The following DMXL2 variants were observed in gnomAD, a reference collection of about 807,000 sequenced individuals.
The protein encoded by DMXL2 is dmX-like protein 2.
In DMXL2, 103 loss-of-function variants were observed where a neutral mutation model predicts 331.1. The ratio of observed to expected loss-of-function variants is 0.31; its 90% confidence interval spans 0.27 to 0.37. The LOEUF (loss-of-function observed/expected upper bound fraction) is 0.37. Among genes scored for constraint, DMXL2 ranks in the 10% least tolerant of loss-of-function variants. The pLI, the probability that DMXL2 is intolerant of heterozygous loss-of-function variation, is 1.00. For synonymous variants in DMXL2, 1,281 were observed against 1,252.1 expected (o/e 1.02, Z -0.49); for missense variants, 3,171 against 3,642.9 (o/e 0.87, Z 3.33).
In DMXL2 at chr15:51,449,181, T is replaced by A; in HGVS notation, c.8980A>T (p.Thr2994Ser). The A allele has an allele frequency of 6.2e-7, 1 of 1,614,048 alleles. No homozygotes were observed. Among genetic ancestry groups the A allele is most frequent in the Non-Finnish European group, 8.5e-7 (1 of 1,179,918 alleles). Residue 2994 changes from threonine to serine, a missense_variant, in exon 44 of 44, where the codon ACA (threonine) becomes TCA (serine). Transcript: ENST00000560891. The stretch of plus-strand genomic sequence containing the variant: ...AATGAATGAATTAGGCCATGGCCTG[T>A]CAATCTCCAAACCTAGTGCAAAACA... ...AEGNIKVWRLTGHGLIHSFKS... is the reference protein window; with the variant it reads ...AEGNIKVWRLSGHGLIHSFKS...
intron 20 of DMXL2, among the ~76,000 whole-genome samples, chr15:51,490,190 C>T (rs555275463): frequency 1.3e-5 from 2 of 152,294 alleles, no homozygotes; most frequent in South Asian, 4.1e-4. Flanking sequence ...GGCAGCCTTA[C>T]ACGTAACAGT....
At position 51,622,534 on chromosome 15, in the gene DMXL2, A is replaced by G; in HGVS notation, c.12T>C (p.His4=). 6.4e-7 allele frequency: 1 copy of G among 1,557,058 alleles called. No homozygotes were observed. Among genetic ancestry groups the G allele is most frequent in the Non-Finnish European group, 8.7e-7 (1 of 1,149,882 alleles). The change falls in exon 1 of 44, where the codon CAT becomes CAC. Residue 4 remains histidine, a synonymous_variant. Coordinates refer to ENST00000560891, the MANE Select transcript of DMXL2 (RefSeq NM_001378457.1). ...GGTTGACAGCTCCGGTGAGGACCTG[A>G]TGCAGATGCATCTCCGGAGCCCGGG... The part of the protein sequence containing the change: MHL[H]QVLTGAVNPG...
chr15:51,574,155 C>A (rs897441250), intron 2 of DMXL2, among the ~76,000 whole-genome samples: 1 of 152,118 alleles, frequency 6.6e-6, no homozygotes, highest in Non-Finnish European at 1.5e-5. Flanking sequence ...GGGGAAAGAG[C>A]TGATGAAGAC....
At chr15:51,512,123 T>C (rs746228368) in intron 15 of DMXL2, among the ~76,000 whole-genome samples, 4 of 152,118 alleles carry the variant, frequency 2.6e-5, no homozygotes, top group Non-Finnish European at 5.9e-5. Context: ...CAAACCACCA[T>C]GGCACATGTA....
chr15:51,514,326 G>A (rs1256487269), intron 15 of DMXL2, 116 bp downstream of exon 15: 1 of 631,240 alleles, frequency 1.6e-6, no homozygotes, highest in Non-Finnish European at 2.7e-6. Flanking sequence ...GAACTAACTG[G>A]TGAATCTGTC....
intron 2 of DMXL2, among the ~76,000 whole-genome samples, chr15:51,573,816 C>T (rs558515417): frequency 2.0e-5 from 3 of 151,906 alleles, no homozygotes; most frequent in Admixed American, 2.0e-4. Flanking sequence ...ACGTTCTGCA[C>T]GTGTGCCCCA....
At chr15:51,458,679 T>C in intron 35 of DMXL2, 30 bp downstream of exon 35, 2 of 1,613,748 alleles carry the variant, frequency 1.2e-6, no homozygotes, top group Non-Finnish European at 1.7e-6. Context: ...TAAGGAGAAA[T>C]ACACTGTGTA....
At position 51,463,491 on chromosome 15, in the gene DMXL2, C is replaced by A. The variant is rs763781688; in HGVS notation, c.7814G>T (p.Arg2605Leu). 1 of 1,567,434 alleles carries A rather than the reference C, an allele frequency of 6.4e-7. No homozygotes were observed. Among genetic ancestry groups the A allele is most frequent in the South Asian group, 1.2e-5 (1 of 82,570 alleles). ...TTTGACTGGAAATGCAGAAGAATCC[C>A]GGGACCTATTAAAAAAAATTAACAT... ...LEPENTPFKS[R>L]DSSAFPVKRL... Residue 2605 changes from arginine to leucine, a missense_variant, in exon 33 of 44, where the codon CGG becomes CTG. Arg to Leu is a moderately radical substitution (Grantham distance 102). This residue lies in a region of DMXL2 where 766 missense variants were observed against 940.5 expected (regional missense o/e 0.81). Transcript: ENST00000560891.
intron 13 of DMXL2, among the ~76,000 whole-genome samples, chr15:51,530,462 G>T (rs1268864042): frequency 6.6e-6 from 1 of 151,848 alleles, no homozygotes; most frequent in Non-Finnish European, 1.5e-5. Flanking sequence ...TTTTGAAAAA[G>T]TAATCTCAGC....
chr15:51,494,224 G>T (rs1225330215), intron 19 of DMXL2, among the ~76,000 whole-genome samples: 1 of 152,150 alleles, frequency 6.6e-6, no homozygotes, highest in Non-Finnish European at 1.5e-5. Context: ...TTTAGACACA[G>T]AATCTCAGAT....
chr15:51,451,675 A>G lies in DMXL2; in HGVS notation c.8719T>C (p.Leu2907=). The change falls in exon 42 of 44, where the codon TTA becomes CTA. Residue 2907 remains leucine, a synonymous_variant. Coordinates refer to ENST00000560891, the MANE Select transcript of DMXL2 (RefSeq NM_001378457.1). ...DNRNVCLWDT[L]ISPGNSLIHG... ...ATGAGGCTGTTTCCGGGTGATATTA[A>G]TGTGTCCCAGAGGCAAACATTTCTT... is the stretch of plus-strand genomic sequence containing the variant. The G allele has an allele frequency of 1.9e-6, 3 of 1,613,152 alleles. No individual in the cohort carries two copies. The highest frequency in any genetic ancestry group is 2.5e-6 in the Non-Finnish European group (3 of 1,179,462).
intron 9 of DMXL2, among the ~76,000 whole-genome samples, chr15:51,540,970 C>T (rs2140906984): frequency 2.0e-5 from 3 of 152,174 alleles, no homozygotes; most frequent in Admixed American, 2.0e-4. Flanking sequence ...AGTTAAAAAG[C>T]CAAGGTTTCT....
At chr15:51,474,006 C>CT (rs531233667) in intron 28 of DMXL2, among the ~76,000 whole-genome samples, 8,022 of 142,256 alleles carry the variant, frequency 0.056, 400 homozygotes, top group African/African-American at 0.14. Flanking sequence ...TTTGTTTTTG[C>CT]TTTTTTTTTT....
chr15:51,493,689 C>T (rs1323786984), intron 19 of DMXL2, among the ~76,000 whole-genome samples: 2 of 152,156 alleles, frequency 1.3e-5, no homozygotes, highest in Admixed American at 1.3e-4. Context: ...GAATTTGACA[C>T]AGCTTTAGAA....
At chr15:51,501,788 T>C (rs1757319708) in intron 17 of DMXL2, among the ~76,000 whole-genome samples, 1 of 148,260 alleles carries the variant, frequency 6.7e-6, no homozygotes, top group African/African-American at 2.5e-5. Flanking sequence ...GGCATGGTGG[T>C]GGGCGCCTGT....
intron 23 of DMXL2, among the ~76,000 whole-genome samples, chr15:51,482,199 T>G (rs534887298): frequency 6.6e-6 from 1 of 152,052 alleles, no homozygotes; most frequent in Non-Finnish European, 1.5e-5. Flanking sequence ...AGAGATGAAC[T>G]CTAAAAAGTG....
At chr15:51,566,050 A>C (rs1358090046) in intron 3 of DMXL2, among the ~76,000 whole-genome samples, 1 of 152,016 alleles carries the variant, frequency 6.6e-6, no homozygotes, top group South Asian at 2.1e-4. Context: ...CTCTATAAAA[A>C]CTTTAAAAAT....
At chr15:51,468,006 G>T (rs913239591) in intron 29 of DMXL2, among the ~76,000 whole-genome samples, 5 of 152,138 alleles carry the variant, frequency 3.3e-5, no homozygotes, top group Non-Finnish European at 5.9e-5. Flanking sequence ...GATTACAGGC[G>T]TGAGCCACCA....
chr15:51,450,430 G>A (rs754827539), intron 42 of DMXL2, 84 bp from the exon 43 acceptor site: 6 of 1,248,298 alleles, frequency 4.8e-6, no homozygotes, highest in Non-Finnish European at 6.9e-6. Flanking sequence ...TTTAAATACA[G>A]ACCTTACTGA....
Sources: gnomAD v4.1 joint callset for allele counts (sites outside exome capture counted in the v4.1 genomes callset) on GRCh38, gnomAD v4.1.1 for gene constraint, gnomAD v4.1.1 regional missense constraint, MANE v1.5 for transcripts, NCBI Gene and HGNC (gene_info 2026-07-23, HGNC 2026-07-21) for gene names.